The following ATP2B1 variants were observed in gnomAD, a reference collection of about 807,000 sequenced individuals.
ATP2B1 encodes the protein plasma membrane calcium-transporting ATPase 1.
ATP2B1 carries 14 observed loss-of-function variants against 124.2 expected under a neutral mutation model. That is an observed-to-expected ratio of 0.11 (90% CI 0.07 to 0.18). The LOEUF (loss-of-function observed/expected upper bound fraction) is 0.18. Among genes scored for constraint, ATP2B1 ranks in the 10% least tolerant of loss-of-function variants. The pLI is 1.00. For synonymous variants in ATP2B1, 449 were observed against 492.4 expected (o/e 0.91, Z 1.17); for missense variants, 763 against 1,466.1 (o/e 0.52, Z 7.83).
At chr12:89,649,321 C>T (rs61926781) in intron 2 of ATP2B1, among the ~76,000 whole-genome samples, 5,953 of 152,340 alleles carry the variant, frequency 0.039, 172 homozygotes, top group Middle Eastern at 0.092. Flanking sequence ...GCCACAGAGG[C>T]GGAGCTGCCC....
intron 1 of ATP2B1, among the ~76,000 whole-genome samples, chr12:89,705,179 T>A (rs1231840000): frequency 3.9e-5 from 6 of 152,188 alleles, no homozygotes; most frequent in Non-Finnish European, 5.9e-5. Context: ...GTGAATTTTT[T>A]AAAGTTATTT....
chr12:89,701,514 A>G (rs1891851478), intron 1 of ATP2B1, among the ~76,000 whole-genome samples: 1 of 152,204 alleles, frequency 6.6e-6, no homozygotes, highest in African/African-American at 2.4e-5. Flanking sequence ...AAAGCAGAGA[A>G]GGTTAAGGAA....
chr12:89,634,729 C>A, intron 5 of ATP2B1, 49 bp downstream of exon 5: 1 of 1,499,044 alleles, frequency 6.7e-7, no homozygotes, highest in Non-Finnish European at 9.0e-7. Flanking sequence ...GACAATGGTA[C>A]ATAGTTGCGA....
rs1295223631 is a variant in ATP2B1, at chr12:89,607,238, CCT to C, written c.2442+2697_2442+2698del. The stretch of plus-strand genomic sequence containing the variant: ...ATTCAAGGCCTTTTTAATGTGGCCC[CCT>C]GTGAATTCTTCTAGCTTCGTATCTC... On this transcript the variant is annotated intron_variant, in intron 15 of 20. Coordinates refer to ENST00000428670, the MANE Select transcript of ATP2B1 (RefSeq NM_001366521.1). Among the ~76,000 whole-genome samples, 5 of 152,264 alleles carry C rather than the reference CCT, an allele frequency of 3.3e-5. No homozygotes were observed. In the South Asian group the frequency reaches 8.3e-4, roughly 25 times the overall value.
intron 2 of ATP2B1, among the ~76,000 whole-genome samples, chr12:89,651,134 T>C (rs1372166896): frequency 6.6e-6 from 1 of 152,260 alleles, no homozygotes; most frequent in African/African-American, 2.4e-5. Context: ...GGGAAGTTTT[T>C]AATATGAAAA....
At chr12:89,659,973 CA>C (rs1218944184) in intron 1 of ATP2B1, among the ~76,000 whole-genome samples, 2 of 143,596 alleles carry the variant, frequency 1.4e-5, no homozygotes, top group Admixed American at 6.9e-5. Context: ...CCAGACTCAA[CA>C]ATAAAAAATC....
At chr12:89,695,644 T>TA (rs998541906) in intron 1 of ATP2B1, among the ~76,000 whole-genome samples, 3 of 150,568 alleles carry the variant, frequency 2.0e-5, no homozygotes, top group East Asian at 3.9e-4. Context: ...TCTCCTCTAT[T>TA]AAAAAAAAAG....
chr12:89,647,583 A>C (rs1418195242), intron 2 of ATP2B1, among the ~76,000 whole-genome samples: 1 of 152,204 alleles, frequency 6.6e-6, no homozygotes, highest in African/African-American at 2.4e-5. Flanking sequence ...CACAGCACAT[A>C]CTACAGTCTT....
intron 7 of ATP2B1, 134 bp downstream of exon 7, chr12:89,627,544 A>T (rs1338077269): frequency 1.1e-6 from 1 of 886,684 alleles, no homozygotes; most frequent in African/African-American, 1.7e-5. Context: ...GCAGGAAGAA[A>T]GGTTAACCCA....
intron 1 of ATP2B1, among the ~76,000 whole-genome samples, chr12:89,686,436 G>T (rs186131373): frequency 1.3e-5 from 2 of 151,832 alleles, no homozygotes; most frequent in Non-Finnish European, 2.9e-5. Context: ...ATGCTTTTGC[G>T]TACACTCACT....
At chr12:89,692,173 T>C (rs1394119950) in intron 1 of ATP2B1, among the ~76,000 whole-genome samples, 2 of 151,816 alleles carry the variant, frequency 1.3e-5, no homozygotes, top group African/African-American at 2.4e-5. Context: ...TCATAGAACA[T>C]AGGTTAAAAA....
At chr12:89,685,181 A>AT (rs1889816605) in intron 1 of ATP2B1, among the ~76,000 whole-genome samples, 2 of 136,530 alleles carry the variant, frequency 1.5e-5, no homozygotes, top group South Asian at 5.3e-4. Flanking sequence ...AAATGAGGTG[A>AT]TAAGTAGTCT....
At chr12:89,696,129 CAT>C (rs1445327084) in intron 1 of ATP2B1, among the ~76,000 whole-genome samples, 1 of 152,164 alleles carries the variant, frequency 6.6e-6, no homozygotes, top group African/African-American at 2.4e-5. Context: ...AAGTGTCAAA[CAT>C]GTGAACAACA....
At chr12:89,669,079 GTATGTACTGCATTTTCT>G (rs1458445247) in intron 1 of ATP2B1, among the ~76,000 whole-genome samples, 1 of 152,090 alleles carries the variant, frequency 6.6e-6, no homozygotes, top group African/African-American at 2.4e-5. Flanking sequence ...CACACACTCA[GTATGTACTGCATTTTCT>G]TGTGTACTGC....
chr12:89,598,526 T>A, intron 20 of ATP2B1: 1 of 1,473,630 alleles, frequency 6.8e-7, no homozygotes, highest in Non-Finnish European at 9.2e-7. Flanking sequence ...AAGGAGAAAA[T>A]GAGAAACGTT....
Position 89,625,010 on chromosome 12 carries a change from G to A in ATP2B1, c.1130-613C>T, listed in dbSNP as rs544064916. On this transcript the variant is annotated intron_variant, in intron 8 of 20. Transcript: ENST00000428670. Reference sequence around the variant, plus strand: ...CAGCTGGCTGGGCGCAGTGGCTCACGCCTGTAATCCCCAGCACTTTGGGAA... The same window carrying A: ...CAGCTGGCTGGGCGCAGTGGCTCACACCTGTAATCCCCAGCACTTTGGGAA... 2.9e-3 allele frequency among the ~76,000 whole-genome samples: 437 copies of A among 152,180 alleles called. 1 individual carries two copies. The highest frequency in any genetic ancestry group is 1.0e-2 in the African/African-American group (415 of 41,514).
intron 1 of ATP2B1, among the ~76,000 whole-genome samples, chr12:89,656,575 C>A (rs1257272223): frequency 2.6e-5 from 4 of 152,196 alleles, no homozygotes; most frequent in Non-Finnish European, 4.4e-5. Context: ...TTCCTTTTAA[C>A]ATTATACTTG....
intron 1 of ATP2B1, among the ~76,000 whole-genome samples, chr12:89,664,215 AT>A (rs1370867115): frequency 6.6e-6 from 1 of 152,168 alleles, no homozygotes; most frequent in Non-Finnish European, 1.5e-5. Flanking sequence ...ATAAAGAAAT[AT>A]GCCAGCCCAA....
chr12:89,643,717 T>C (rs985289205), intron 2 of ATP2B1, among the ~76,000 whole-genome samples: 2 of 152,226 alleles, frequency 1.3e-5, no homozygotes, highest in Non-Finnish European at 2.9e-5. Context: ...TAATGCAAAG[T>C]GTGTACACAT....
Sources: allele counts gnomAD v4.1 joint callset (sites outside exome capture counted in the v4.1 genomes callset), GRCh38; gene constraint gnomAD v4.1.1; transcripts MANE v1.5; gene names NCBI Gene and HGNC (gene_info 2026-07-23, HGNC 2026-07-21).